LCLAT1: variants seen among roughly 807,000 people sequenced by gnomAD.
The protein encoded by LCLAT1 is 1-AGP acyltransferase 8.
Under a neutral mutation model 30.7 loss-of-function variants are expected in LCLAT1, and 11 were observed. That is an observed-to-expected ratio of 0.36 (90% confidence interval 0.23 to 0.59). LCLAT1 has a LOEUF of 0.59. LCLAT1 is among the 20% of genes least tolerant of loss of function. LCLAT1 has a pLI of 0.77. For missense variants in LCLAT1, 402 were observed against 458.6 expected, an observed-to-expected ratio of 0.88 and a Z score of 1.13; for synonymous variants, 155 against 151.3, an observed-to-expected ratio of 1.02 and a Z score of -0.18.
At chr2:30,595,597 C>T (rs2148483554) in intron 5 of LCLAT1, among the ~76,000 whole-genome samples, 1 of 152,250 alleles carries the variant, frequency 6.6e-6, no homozygotes, top group East Asian at 1.9e-4. Flanking sequence ...TTTTGCTGAA[C>T]TTAATGGGTA....
intron 5 of LCLAT1, among the ~76,000 whole-genome samples, chr2:30,634,270 C>T (rs190110538): frequency 5.9e-5 from 9 of 152,234 alleles, no homozygotes; most frequent in South Asian, 2.1e-4. Flanking sequence ...TGAAACAGAA[C>T]GAACCCGTTT....
intron 1 of LCLAT1, chr2:30,476,643 G>C: frequency 2.5e-6 from 1 of 401,822 alleles, no homozygotes; most frequent in Non-Finnish European, 4.9e-6. Context: ...ATGGTGAGTT[G>C]TATAATTATT....
intron 1 of LCLAT1, chr2:30,476,270 G>A (rs961145354): frequency 2.5e-6 from 1 of 397,666 alleles, no homozygotes; most frequent in African/African-American, 2.1e-5. Context: ...GTAGATATTG[G>A]GACCCAGAGA....
chr2:30,456,275 A>G (rs1681829956), intron 1 of LCLAT1, among the ~76,000 whole-genome samples: 1 of 152,052 alleles, frequency 6.6e-6, no homozygotes, highest in Non-Finnish European at 1.5e-5. Context: ...CGGAGGTGAA[A>G]GTTCTGACTC....
At chr2:30,586,900 C>T (rs1405140525) in intron 5 of LCLAT1, among the ~76,000 whole-genome samples, 1 of 152,152 alleles carries the variant, frequency 6.6e-6, no homozygotes, top group Non-Finnish European at 1.5e-5. Flanking sequence ...ACCATGCACC[C>T]CTACTCCAAG....
In LCLAT1 at chr2:30,560,258, G is replaced by T. The variant is rs116855580; in HGVS notation, c.365-1888G>T. On this transcript the variant is annotated intron_variant, in intron 3 of 5. Coordinates refer to ENST00000379509, the MANE Select transcript of LCLAT1 (RefSeq NM_001002257.3). ...ATGTAAAATACAGTATTCTAGTTTG[G>T]ACTTACCCAGGCCAAATAAAGTGTG... Among the ~76,000 whole-genome samples, 13 of 151,032 alleles carry T rather than the reference G, an allele frequency of 8.6e-5. No individual in the cohort carries two copies. The East Asian group carries it at 2.5e-3, about 29-fold the overall frequency.
rs10200589 is a variant in LCLAT1, at chr2:30,640,842, G to A, written c.*223G>A. The A allele has an allele frequency of 0.13, 62,089 of 466,012 alleles. 4,704 individuals carry two copies. The highest frequency in any genetic ancestry group is 0.21 in the South Asian group (6,670 of 31,114). The allele number at this position is 466,012 out of a possible 1,614,324, so 28.9% of individuals were successfully genotyped here. A position where few individuals can be genotyped will look rare whatever the true frequency, so the allele number is the denominator to read the frequency against. On this transcript the variant is annotated 3_prime_UTR_variant, in exon 6 of 6. Transcript: ENST00000379509. ...CTGTGTACATAGCAGGGAGTGATCG[G>A]GGTGAAATAACTTGGGCCAGAATAT...
intron 2 of LCLAT1, 103 bp from the exon 3 acceptor site, chr2:30,533,013 T>C: frequency 1.2e-6 from 1 of 842,726 alleles, no homozygotes; most frequent in Admixed American, 2.0e-5. Context: ...AAATACTAAC[T>C]TTTACATGTT....
chr2:30,617,458 A>G (rs2148512477), intron 5 of LCLAT1, among the ~76,000 whole-genome samples: 1 of 152,320 alleles, frequency 6.6e-6, no homozygotes, highest in East Asian at 1.9e-4. Context: ...TGCGTTATTT[A>G]CAATTTTAGG....
At chr2:30,584,946 CAAAA>C (rs33956361) in intron 5 of LCLAT1, among the ~76,000 whole-genome samples, 34 of 107,240 alleles carry the variant, frequency 3.2e-4, no homozygotes, top group Non-Finnish European at 4.0e-4. Context: ...TACTATATTT[CAAAA>C]AAAAAAAAAA....
intron 5 of LCLAT1, among the ~76,000 whole-genome samples, chr2:30,568,405 C>G (rs1665604214): frequency 6.7e-6 from 1 of 149,944 alleles, no homozygotes; most frequent in Non-Finnish European, 1.5e-5. Context: ...TTGGAACAGA[C>G]ATAACTCTAT....
At chr2:30,483,298 AG>A (rs1558467205) in intron 1 of LCLAT1, among the ~76,000 whole-genome samples, 1 of 152,162 alleles carries the variant, frequency 6.6e-6, no homozygotes, top group Non-Finnish European at 1.5e-5. Context: ...AGACCAGCTT[AG>A]GCAACATAGG....
At chr2:30,551,641 T>C (rs1664685333) in intron 3 of LCLAT1, among the ~76,000 whole-genome samples, 1 of 152,180 alleles carries the variant, frequency 6.6e-6, no homozygotes, top group East Asian at 1.9e-4. Context: ...ATCAAGGCAT[T>C]GGCAGGACTG....
chr2:30,576,909 C>G (rs1393008992), intron 5 of LCLAT1, among the ~76,000 whole-genome samples: 2 of 151,558 alleles, frequency 1.3e-5, no homozygotes, highest in Non-Finnish European at 2.9e-5. Context: ...TAAAACAGTA[C>G]TCATTTGCTG....
chr2:30,583,537 A>G (rs927189109), intron 5 of LCLAT1, among the ~76,000 whole-genome samples: 15 of 152,176 alleles, frequency 9.9e-5, no homozygotes, highest in Admixed American at 7.9e-4. Context: ...CTGTCTGGCA[A>G]GATAATGCTG....
chr2:30,547,419 T>C (rs991980894), intron 3 of LCLAT1, among the ~76,000 whole-genome samples: 1 of 152,192 alleles, frequency 6.6e-6, no homozygotes, highest in Admixed American at 6.5e-5. Flanking sequence ...TTACTAATCT[T>C]AACAGTGAAC....
rs149025801 is a variant in LCLAT1 at position 30,604,268 on chromosome 2, C to T, written c.629-35849C>T. On this transcript the variant is annotated intron_variant, in intron 5 of 5. Coordinates refer to ENST00000379509, the MANE Select transcript of LCLAT1 (RefSeq NM_001002257.3). ...AATGCATCCAGTAGCCTGGAAATCT[C>T]TTCTATGTTCTTTAGGACTGTGACT... 3.2e-3 allele frequency among the ~76,000 whole-genome samples: 483 copies of T among 152,244 alleles called. 5 individuals carry two copies. The highest frequency in any genetic ancestry group is 0.01 in the African/African-American group (421 of 41,548).
intron 5 of LCLAT1, among the ~76,000 whole-genome samples, chr2:30,569,244 C>A (rs556288116): frequency 1.0e-3 from 152 of 152,252 alleles, no homozygotes; most frequent in African/African-American, 3.6e-3. Context: ...TTGATGATAT[C>A]GCACCCATTT....
intron 1 of LCLAT1, among the ~76,000 whole-genome samples, chr2:30,484,946 A>G (rs921754465): frequency 1.3e-5 from 2 of 152,120 alleles, no homozygotes; most frequent in Non-Finnish European, 1.5e-5. Context: ...ATGGTATGGT[A>G]TGGTATATGT....
Sources: allele counts gnomAD v4.1 joint callset (sites outside exome capture counted in the v4.1 genomes callset), GRCh38; gene constraint gnomAD v4.1.1; transcripts MANE v1.5; gene names NCBI Gene and HGNC (gene_info 2026-07-23, HGNC 2026-07-21).